Variants in KCTD15 observed in about 807,000 individuals in gnomAD.
KCTD15 encodes the protein BTB/POZ domain-containing protein KCTD15.
In KCTD15, 11 loss-of-function variants were observed where a neutral mutation model predicts 27.2. The ratio of observed to expected loss-of-function variants is 0.41; its 90% CI spans 0.25 to 0.67. The LOEUF is 0.67. Ranked by LOEUF, KCTD15 falls within the 30% of genes least tolerant of loss-of-function variation. The pLI is 0.35. For missense variants in KCTD15, 350 were observed against 409.3 expected (o/e 0.86, Z 1.25); for synonymous variants, 163 against 176.0 (o/e 0.93, Z 0.58).
chr19:33,801,473 A>C, intron 4 of KCTD15, 131 bp downstream of exon 4: 1 of 764,578 alleles, frequency 1.3e-6, no homozygotes, highest in Non-Finnish European at 2.0e-6. Flanking sequence ...ACAAGCTGAC[A>C]CAGCCTGAGG....
intron 4 of KCTD15, among the ~76,000 whole-genome samples, chr19:33,805,667 G>A (rs1258358374): frequency 6.6e-6 from 1 of 152,212 alleles, no homozygotes; most frequent in African/African-American, 2.4e-5. Flanking sequence ...CAGGAGTGTG[G>A]CCCTGCCTGC....
chr19:33,812,197 C>T, intron 6 of KCTD15: 1 of 1,116,068 alleles, frequency 9.0e-7, no homozygotes, highest in Non-Finnish European at 1.1e-6. Context: ...GTGTTACACG[C>T]AGTCATCAGA....
In KCTD15 at chr19:33,801,202, G is replaced by A; in HGVS notation, c.102G>A (p.Arg34=). ...ACATGTCCCGGCTGTCTCTCACCCG[G>A]TCGCCTGTGTCTCCCCTGGCTGCCC... is the stretch of plus-strand genomic sequence containing the variant. The part of the protein sequence containing the change: ...GGNMSRLSLT[R]SPVSPLAAQG... The change falls in exon 4 of 7, where the codon CGG becomes CGA. Residue 34 remains arginine, a synonymous_variant. Coordinates refer to ENST00000683859, the MANE Select transcript of KCTD15 (RefSeq NM_001129994.2). The A allele has an allele frequency of 1.9e-6, 3 of 1,611,702 alleles. No individual in the cohort carries two copies. The highest frequency in any genetic ancestry group is 2.5e-6 in the Non-Finnish European group (3 of 1,178,888).
At chr19:33,812,545 C>G in intron 6 of KCTD15, 1 of 1,256,564 alleles carries the variant, frequency 8.0e-7, no homozygotes. Flanking sequence ...GGATGGTGGC[C>G]TGGGTGGGGT....
chr19:33,811,259 C>CTG lies in KCTD15; in HGVS notation c.402_403dup (p.Tyr135CysfsTer292). ...CGCCTGTCCCCAGGACTTCAGTCTG[C>CTG]TGTACGAGGAGGCGCGCTACTATCA... is the stretch of plus-strand genomic sequence containing the variant. On this transcript the variant is annotated frameshift_variant, in exon 6 of 7. Coordinates refer to ENST00000683859, the MANE Select transcript of KCTD15 (RefSeq NM_001129994.2). LOFTEE classifies it high-confidence loss of function. 1 of 1,402,326 alleles carries CTG rather than the reference C, an allele frequency of 7.1e-7. No homozygotes were observed. The highest frequency in any genetic ancestry group is 9.4e-7 in the Non-Finnish European group (1 of 1,062,554). The allele number at this position is 1,402,326 out of a possible 1,614,324, so 86.9% of individuals were successfully genotyped here.
At chr19:33,811,209 C>T in intron 5 of KCTD15, 38 bp from the exon 6 acceptor site, 1 of 696,464 alleles carries the variant, frequency 1.4e-6, no homozygotes, top group Non-Finnish European at 2.1e-6. Context: ...CACCCCTACT[C>T]CGACACCCAC....
Position 33,801,283 on chromosome 19 carries a change from T to C in KCTD15, c.183T>C (p.Asp61=), listed in dbSNP as rs779046259. 1 of 1,613,430 alleles carries C rather than the reference T, an allele frequency of 6.2e-7. No individual in the cohort carries two copies. Among genetic ancestry groups the C allele is most frequent in the African/African-American group, 1.3e-5 (1 of 75,000 alleles). ...AGTCCAATGCACCTGTGCACATCGA[T>C]GTGGGCGGCCACATGTACACCAGCA... ...LTKSNAPVHI[D]VGGHMYTSSL... is the part of the protein sequence containing the mutation. The change falls in exon 4 of 7, where the codon GAT becomes GAC. Residue 61 remains aspartate (D), a synonymous_variant. Transcript: ENST00000683859.
In KCTD15 at chr19:33,800,459, C is replaced by G. The variant is rs755656431; in HGVS notation, c.5C>G (p.Pro2Arg). 3.1e-6 allele frequency: 5 copies of G among 1,604,884 alleles called. No individual in the cohort carries two copies. The highest frequency in any genetic ancestry group is 4.2e-6 in the Non-Finnish European group (5 of 1,176,904). ...TGGGCAGGGATGGAAGCCTAGATGC[C>G]TCACCGCAAGGAGCGGCCGAGCGGG... MPHRKERPSGSS... is the reference protein window; with the variant it reads MRHRKERPSGSS... The change falls in exon 3 of 7, where the codon CCT becomes CGT. Residue 2 changes from proline (P) to arginine (R), a missense_variant. Physicochemically the swap from Pro to Arg is moderately radical, Grantham distance 103. Around this residue, in one of 3 missense-constraint regions of KCTD15, gnomAD observed 77 missense variants for 72.7 expected, o/e 1.06. Coordinates refer to ENST00000683859, the MANE Select transcript of KCTD15 (RefSeq NM_001129994.2).
rs910984656 is a variant in KCTD15, at chr19:33,799,904, C to T, written c.-27-524C>T. 3.9e-5 allele frequency among the ~76,000 whole-genome samples: 6 copies of T among 152,254 alleles called. No individual in the cohort carries two copies. In the East Asian group the frequency reaches 9.6e-4, roughly 24 times the overall value. On this transcript the variant is annotated intron_variant, in intron 2 of 6. Coordinates refer to ENST00000683859, the MANE Select transcript of KCTD15 (RefSeq NM_001129994.2). ...TCCATGTGCCTGGACTTCTGCTGAA[C>T]GGCTTCCCTGTGTCTGGCCAGATGC...
intron 6 of KCTD15, chr19:33,812,481 G>C: frequency 3.4e-6 from 4 of 1,184,272 alleles, no homozygotes; most frequent in Non-Finnish European, 4.2e-6. Context: ...ACAGAATAAA[G>C]AAGGGACCCA....
At chr19:33,800,391 A>C in intron 2 of KCTD15, 37 bp from the exon 3 acceptor site, 2 of 1,484,722 alleles carry the variant, frequency 1.3e-6, no homozygotes, top group African/African-American at 2.8e-5. Flanking sequence ...GACTAGGAGG[A>C]ATAAGCCTTC....
chr19:33,794,439 A>C (rs1442581936), upstream of KCTD15, among the ~76,000 whole-genome samples: 1 of 152,248 alleles, frequency 6.6e-6, no homozygotes, highest in African/African-American at 2.4e-5. Flanking sequence ...TTCAAGTATT[A>C]ATTTATATGT....
intron 4 of KCTD15, among the ~76,000 whole-genome samples, chr19:33,805,928 G>A (rs896070819): frequency 1.3e-5 from 2 of 152,228 alleles, no homozygotes; most frequent in African/African-American, 4.8e-5. Context: ...GGCTCCCCAA[G>A]ACCCTTCTCC....
At chr19:33,801,719 T>C (rs1177495369) in intron 4 of KCTD15, 1 of 180,522 alleles carries the variant, frequency 5.5e-6, no homozygotes, top group African/African-American at 2.3e-5. Context: ...AGGGGGTCAT[T>C]TGTGAGTGAT....
intron 3 of KCTD15, 41 bp from the exon 4 acceptor site, chr19:33,801,126 C>T (rs780448986): frequency 1.1e-5 from 17 of 1,539,458 alleles, no homozygotes; most frequent in South Asian, 2.5e-5. Flanking sequence ...TCTTGTGTTC[C>T]GCTTTGAAAC....
upstream of KCTD15, among the ~76,000 whole-genome samples, chr19:33,795,162 T>A (rs1261024300): frequency 6.6e-6 from 1 of 152,250 alleles, no homozygotes; most frequent in Non-Finnish European, 1.5e-5. Context: ...TCTGCATATA[T>A]CAAATAATTG....
intron 6 of KCTD15, chr19:33,811,920 G>A (rs1459860390): frequency 6.4e-7 from 1 of 1,556,384 alleles, no homozygotes; most frequent in Non-Finnish European, 8.6e-7. Context: ...TGGAAAGGTG[G>A]TCTGGAGCCC....
rs1975981135 is a variant in KCTD15, at chr19:33,813,077, G to A, written c.*129G>A. On this transcript the variant is annotated 3_prime_UTR_variant, in exon 7 of 7. Transcript: ENST00000683859. ...CTGGAGGGTCCAAAGCTGGCCCAGCGAGCACCAGGGTCCCAGGTGTCATGG... is the reference window on the plus strand; with the variant it reads ...CTGGAGGGTCCAAAGCTGGCCCAGCAAGCACCAGGGTCCCAGGTGTCATGG... The A allele has an allele frequency of 2.2e-6, 2 of 928,444 alleles. No homozygotes were observed. The highest frequency in any genetic ancestry group is 1.5e-5 in the South Asian group (1 of 65,232). 57.5% of individuals were successfully genotyped at this position (928,444 alleles called of 1,614,324 possible).
At chr19:33,811,641 C>T in intron 6 of KCTD15, 89 bp downstream of exon 6, 1 of 1,526,858 alleles carries the variant, frequency 6.5e-7, no homozygotes, top group Non-Finnish European at 8.9e-7. Flanking sequence ...GAGGCGCGAT[C>T]CCTGAAACGG....
Sources: allele counts gnomAD v4.1 joint callset (sites outside exome capture counted in the v4.1 genomes callset), GRCh38; gene constraint gnomAD v4.1.1; regional missense constraint gnomAD v4.1.1; transcripts MANE v1.5; gene names NCBI Gene and HGNC (gene_info 2026-07-23, HGNC 2026-07-21).